Variants in PCDH7 observed in about 807,000 individuals in gnomAD.
The protein encoded by PCDH7 is protocadherin-7.
Under a neutral mutation model 58.9 loss-of-function variants are expected in PCDH7, and 17 were observed. The observed-to-expected ratio is 0.29, with a 90% CI of 0.20 to 0.43. The LOEUF (loss-of-function observed/expected upper bound fraction) is 0.43. Ranked by LOEUF, PCDH7 falls within the 20% of genes least tolerant of loss-of-function variation. PCDH7 has a pLI of 1.00. For synonymous variants in PCDH7, 664 were observed against 616.4 expected (o/e 1.08, Z -1.14); for missense variants, 1,274 against 1,441.0 (o/e 0.88, Z 1.88).
chr4:30,800,198 C>T (rs1725357725), intron 1 of PCDH7, among the ~76,000 whole-genome samples: 2 of 152,052 alleles, frequency 1.3e-5, no homozygotes, highest in South Asian at 4.2e-4. Flanking sequence ...TAAAGTATAT[C>T]AGGGATCCTA....
At chr4:30,897,107 T>C (rs1248644858) in intron 1 of PCDH7, among the ~76,000 whole-genome samples, 1 of 151,938 alleles carries the variant, frequency 6.6e-6, no homozygotes, top group East Asian at 1.9e-4. Context: ...GGTTTCACTG[T>C]GTTAGCCAGG....
At chr4:30,850,544 G>A (rs76615551) in intron 1 of PCDH7, among the ~76,000 whole-genome samples, 105 of 152,202 alleles carry the variant, frequency 6.9e-4, no homozygotes, top group African/African-American at 2.2e-3. Flanking sequence ...TTTATTAGGT[G>A]GAGGGGGGAG....
chr4:31,094,319 T>C (rs1446587490), intron 3 of PCDH7, among the ~76,000 whole-genome samples: 1 of 152,138 alleles, frequency 6.6e-6, no homozygotes, highest in Non-Finnish European at 1.5e-5. Flanking sequence ...AGTAGAAAGC[T>C]GAACCCCCAT....
At chr4:30,870,186 C>T (rs36131435) in intron 1 of PCDH7, among the ~76,000 whole-genome samples, 1 of 151,932 alleles carries the variant, frequency 6.6e-6, no homozygotes, top group Admixed American at 6.6e-5. Context: ...GTATATTAGC[C>T]CTCTGTCAAG....
In PCDH7 at chr4:31,079,309, GATATATATATAT is replaced by G. The variant is rs149501069; in HGVS notation, c.*8-63120_*8-63109del. 4.5e-3 allele frequency among the ~76,000 whole-genome samples: 300 copies of G among 67,354 alleles called. 1 individual carries two copies. Among genetic ancestry groups the G allele is most frequent in the Middle Eastern group, 0.013 (1 of 76 alleles). 44.2% of individuals were successfully genotyped at this position (67,354 alleles called of 152,430 possible). On this transcript the variant is annotated intron_variant, in intron 3 of 3. Transcript: ENST00000509759. ...GTAAAAGATATTTACAATACTGGAAGATATATATATATATATATATATATATATATATATATA... is the reference window on the plus strand; with the variant it reads ...GTAAAAGATATTTACAATACTGGAAGATATATATATATATATATATATATA...
downstream of PCDH7, among the ~76,000 whole-genome samples, chr4:30,734,742 G>A (rs552872446): frequency 2.0e-5 from 3 of 152,250 alleles, no homozygotes; most frequent in South Asian, 4.2e-4. Context: ...CTTAGAGGAG[G>A]CACTCATAAA....
chr4:31,139,475 T>C (rs1222783807), intron 3 of PCDH7, among the ~76,000 whole-genome samples: 1 of 152,196 alleles, frequency 6.6e-6, no homozygotes, highest in Non-Finnish European at 1.5e-5. Flanking sequence ...TGTGAAAGGC[T>C]TTCCTCTATA....
chr4:30,757,978 A>G (rs989779327), intron 1 of PCDH7, among the ~76,000 whole-genome samples: 3 of 152,212 alleles, frequency 2.0e-5, no homozygotes, highest in African/African-American at 7.2e-5. Context: ...AATCACTGCT[A>G]TCACGGGGAG....
At chr4:30,789,876 C>T (rs1286730980) in intron 1 of PCDH7, among the ~76,000 whole-genome samples, 1 of 152,104 alleles carries the variant, frequency 6.6e-6, no homozygotes, top group African/African-American at 2.4e-5. Flanking sequence ...CTAAATAAAC[C>T]TTCTACCCTT....
chr4:30,874,701 T>TAA (rs142261948), intron 1 of PCDH7, among the ~76,000 whole-genome samples: 1 of 149,296 alleles, frequency 6.7e-6, no homozygotes, highest in Non-Finnish European at 1.5e-5. Context: ...AATAATAAAA[T>TAA]AAAAAAATAG....
rs373018782 is a variant in PCDH7, at chr4:30,894,584, T to C, written c.71-25569T>C. 2.4e-4 allele frequency among the ~76,000 whole-genome samples: 22 copies of C among 90,374 alleles called. No individual in the cohort carries two copies. The South Asian group carries it at 5.7e-3, about 23-fold the overall frequency. 59.3% of individuals were successfully genotyped at this position (90,374 alleles called of 152,430 possible). A position where few individuals can be genotyped will look rare whatever the true frequency, so the allele number is the denominator to read the frequency against. ...ATATATACATATACACACACATATA[T>C]ACACACACACACATATATATATATA... On this transcript the variant is annotated intron_variant, in intron 1 of 3. Transcript: ENST00000509759.
chr4:30,812,481 G>C (rs1727147520), intron 1 of PCDH7, among the ~76,000 whole-genome samples: 1 of 152,082 alleles, frequency 6.6e-6, no homozygotes, highest in Non-Finnish European at 1.5e-5. Context: ...AAAGTGTTTA[G>C]TCATAAACAA....
intron 3 of PCDH7, among the ~76,000 whole-genome samples, chr4:31,080,711 G>A (rs190536263): frequency 1.3e-5 from 2 of 152,288 alleles, no homozygotes; most frequent in East Asian, 1.9e-4. Context: ...GAGTAAACTT[G>A]CCACAAGTCT....
intron 3 of PCDH7, among the ~76,000 whole-genome samples, chr4:30,962,801 A>G (rs868063780): frequency 6.6e-6 from 1 of 151,402 alleles, no homozygotes; most frequent in Non-Finnish European, 1.5e-5. Flanking sequence ...AAAAAAAAAA[A>G]AAAACAGTGG....
At chr4:30,780,365 G>A (rs576013687) in intron 1 of PCDH7, among the ~76,000 whole-genome samples, 1 of 152,154 alleles carries the variant, frequency 6.6e-6, no homozygotes, top group African/African-American at 2.4e-5. Flanking sequence ...AAATTAGCTG[G>A]ACGTGGTGGC....
intron 3 of PCDH7, among the ~76,000 whole-genome samples, chr4:30,958,458 A>C (rs1214889208): frequency 6.6e-6 from 1 of 152,046 alleles, no homozygotes; most frequent in Non-Finnish European, 1.5e-5. Flanking sequence ...TTATATATTT[A>C]AATGATAATT....
At chr4:31,132,136 A>G (rs1438866788) in intron 3 of PCDH7, among the ~76,000 whole-genome samples, 1 of 152,150 alleles carries the variant, frequency 6.6e-6, no homozygotes. Flanking sequence ...GATTTAACAT[A>G]TTTGTACTCA....
chr4:30,822,831 G>A (rs1728547760), intron 1 of PCDH7, among the ~76,000 whole-genome samples: 1 of 152,038 alleles, frequency 6.6e-6, no homozygotes, highest in South Asian at 2.1e-4. Context: ...GTTTACTAGT[G>A]GTAACAGAAA....
intron 1 of PCDH7, among the ~76,000 whole-genome samples, chr4:30,913,517 T>TG (rs1742044739): frequency 6.6e-6 from 1 of 152,092 alleles, no homozygotes; most frequent in Non-Finnish European, 1.5e-5. Flanking sequence ...GTTTATTTTT[T>TG]GAAAAAAAGG....
Sources: allele counts gnomAD v4.1 joint callset (sites outside exome capture counted in the v4.1 genomes callset), GRCh38; gene constraint gnomAD v4.1.1; transcripts MANE v1.5; gene names NCBI Gene and HGNC (gene_info 2026-07-23, HGNC 2026-07-21).